MTPAP: variants seen among roughly 807,000 people sequenced by gnomAD.
MTPAP encodes the protein poly(A) RNA polymerase, mitochondrial.
MTPAP carries 23 observed loss-of-function variants against 48.7 expected under a neutral mutation model. The ratio of observed to expected loss-of-function variants is 0.47; its 90% confidence interval spans 0.34 to 0.67. The LOEUF (loss-of-function observed/expected upper bound fraction) is 0.67. Ranked by LOEUF, MTPAP falls within the 30% of genes least tolerant of loss-of-function variation. The probability of loss-of-function intolerance (pLI) is 0.01; values close to 1 mark genes in which losing one functional copy is unlikely to be tolerated. For synonymous variants in MTPAP, 257 were observed against 254.1 expected (o/e 1.01, Z -0.11); for missense variants, 614 against 694.3 (o/e 0.88, Z 1.30).
chr10:30,326,893 T>G (rs1219749473), intron 4 of MTPAP, among the ~76,000 whole-genome samples: 1 of 152,218 alleles, frequency 6.6e-6, no homozygotes, highest in East Asian at 1.9e-4. Context: ...GTAATTAACT[T>G]ATGAACTACA....
intron 4 of MTPAP, among the ~76,000 whole-genome samples, chr10:30,334,867 A>G (rs1158001094): frequency 6.6e-6 from 1 of 152,000 alleles, no homozygotes; most frequent in East Asian, 1.9e-4. Context: ...GGCATGACAC[A>G]AGGAATAAGA....
In MTPAP at chr10:30,322,333, A is replaced by G. The variant is rs969224384; in HGVS notation, c.1219+58T>C. The G allele has an allele frequency of 2.2e-6, 3 of 1,339,462 alleles. No homozygotes were observed. In the Admixed American group the frequency reaches 5.0e-5, roughly 23 times the overall value. The allele number at this position is 1,339,462 out of a possible 1,614,324, so 83.0% of individuals were successfully genotyped here. A position where few individuals can be genotyped will look rare whatever the true frequency, so the allele number is the denominator to read the frequency against. On this transcript the variant is annotated intron_variant, in intron 6 of 8. Transcript: ENST00000263063. Reference sequence around the variant, plus strand: ...GACGGGACTTTGGTAACACATGGTAATTATATTTACTCATAACATTGGAAA... The same window carrying G: ...GACGGGACTTTGGTAACACATGGTAGTTATATTTACTCATAACATTGGAAA...
At chr10:30,344,860 C>T (rs983996363) in intron 1 of MTPAP, among the ~76,000 whole-genome samples, 18 of 152,240 alleles carry the variant, frequency 1.2e-4, no homozygotes, top group African/African-American at 4.3e-4. Flanking sequence ...CCTGCCACTG[C>T]GCCAGGCTAA....
chr10:30,328,148 C>CGAA (rs1834621359), intron 4 of MTPAP, among the ~76,000 whole-genome samples: 1 of 151,962 alleles, frequency 6.6e-6, no homozygotes, highest in African/African-American at 2.4e-5. Flanking sequence ...CCATCAAATT[C>CGAA]TAAAAATGGG....
rs867994458 is a variant in MTPAP at position 30,323,571 on chromosome 10, G to A, written c.993-954C>T. ...GTCGCCCAGGCTAGAGCGCAATGGCGCGATCTTGGCTCACTGCAAGCTCCG... is the reference window on the plus strand; with the variant it reads ...GTCGCCCAGGCTAGAGCGCAATGGCACGATCTTGGCTCACTGCAAGCTCCG... On this transcript the variant is annotated intron_variant, in intron 5 of 8. Coordinates refer to ENST00000263063, the MANE Select transcript of MTPAP (RefSeq NM_018109.4). Among the ~76,000 whole-genome samples, 25 of 152,148 alleles carry A rather than the reference G, an allele frequency of 1.6e-4. 1 individual carries two copies. Among genetic ancestry groups the A allele is most frequent in the Middle Eastern group, 6.8e-3 (2 of 294 alleles).
chr10:30,342,441 CA>C (rs1834822277), intron 1 of MTPAP, among the ~76,000 whole-genome samples: 1 of 151,256 alleles, frequency 6.6e-6, no homozygotes, highest in South Asian at 2.1e-4. Flanking sequence ...ACTGCACTTT[CA>C]GTGTTCGTTT....
intron 5 of MTPAP, among the ~76,000 whole-genome samples, chr10:30,323,757 G>C (rs1284646622): frequency 6.6e-6 from 1 of 152,162 alleles, no homozygotes; most frequent in Non-Finnish European, 1.5e-5. Flanking sequence ...TGATCCACTC[G>C]CCTCGGCCTC....
chr10:30,320,199 G>A (rs1252726698), intron 6 of MTPAP, among the ~76,000 whole-genome samples: 2 of 152,202 alleles, frequency 1.3e-5, no homozygotes, highest in African/African-American at 2.4e-5. Context: ...GGGAGGCAGA[G>A]TTGCAGTGAG....
chr10:30,346,679 AAAC>A (rs1834876780), intron 1 of MTPAP, among the ~76,000 whole-genome samples: 1 of 152,192 alleles, frequency 6.6e-6, no homozygotes, highest in Non-Finnish European at 1.5e-5. Flanking sequence ...GCTGGCATCC[AAAC>A]AACAGCTAAA....
intron 1 of MTPAP, 78 bp from the exon 2 acceptor site, chr10:30,341,718 A>G: frequency 2.0e-6 from 3 of 1,517,766 alleles, no homozygotes; most frequent in African/African-American, 1.4e-5. Context: ...GTGTTTAAAG[A>G]CTTCATATAT....
In MTPAP at chr10:30,313,636, C is replaced by A. The variant is rs1840625796; in HGVS notation, c.1722G>T (p.Gly574=). The A allele has an allele frequency of 6.2e-7, 1 of 1,614,054 alleles. No homozygotes were observed. The highest frequency in any genetic ancestry group is 1.3e-5 in the African/African-American group (1 of 74,926). The part of the protein sequence containing the change: ...NRTENFTKTS[G]KRTISTQT ...ATGTCTGAGTACTAATTGTTCTCTT[C>A]CCACTGGTTTTTGTGAAATTTTCTG... Residue 574 remains glycine, a synonymous_variant, in exon 9 of 9, where the codon GGG becomes GGT. Coordinates refer to ENST00000263063, the MANE Select transcript of MTPAP (RefSeq NM_018109.4).
chr10:30,320,556 A>T (rs1840711810), intron 6 of MTPAP, among the ~76,000 whole-genome samples: 1 of 152,146 alleles, frequency 6.6e-6, no homozygotes. Context: ...TTTTTAAAAA[A>T]ATAGTGACCA....
At chr10:30,336,756 C>T (rs756650213) in intron 4 of MTPAP, 47 bp downstream of exon 4, 8 of 1,432,292 alleles carry the variant, frequency 5.6e-6, no homozygotes, top group Non-Finnish European at 6.9e-6. Context: ...TCTTTTTATA[C>T]TTTCTTAACT....
intron 5 of MTPAP, among the ~76,000 whole-genome samples, chr10:30,324,387 A>T (rs1445653179): frequency 2.0e-5 from 3 of 151,972 alleles, no homozygotes; most frequent in Non-Finnish European, 4.4e-5. Flanking sequence ...ACAAAATTTT[A>T]AAAATTTAAT....
chr10:30,341,916 T>A (rs564276299), intron 1 of MTPAP, among the ~76,000 whole-genome samples: 3 of 152,318 alleles, frequency 2.0e-5, no homozygotes, highest in African/African-American at 7.2e-5. Flanking sequence ...ATGATAAGGC[T>A]TAATTTATAA....
At chr10:30,318,669 C>T (rs1344400028) in intron 6 of MTPAP, among the ~76,000 whole-genome samples, 1 of 152,164 alleles carries the variant, frequency 6.6e-6, no homozygotes, top group Non-Finnish European at 1.5e-5. Flanking sequence ...CAGGGCAATT[C>T]AAGAGGAACC....
At chr10:30,342,678 A>G (rs1241232430) in intron 1 of MTPAP, among the ~76,000 whole-genome samples, 1 of 152,180 alleles carries the variant, frequency 6.6e-6, no homozygotes, top group Non-Finnish European at 1.5e-5. Flanking sequence ...TAATGAGACA[A>G]TGAGTTTGGA....
intron 8 of MTPAP, among the ~76,000 whole-genome samples, chr10:30,314,884 C>CAAAAAAAAAAAAAAAAAACAAAA (rs1840641477): frequency 9.0e-6 from 1 of 110,746 alleles, no homozygotes; most frequent in Non-Finnish European, 1.8e-5. Flanking sequence ...AAAACAAAAA[C>CAAAAAAAAAAAAAAAAAACAAAA]AAAAAAAAAA....
At chr10:30,333,662 CGTA>C (rs1469498622) in intron 4 of MTPAP, among the ~76,000 whole-genome samples, 1 of 152,148 alleles carries the variant, frequency 6.6e-6, no homozygotes, top group Non-Finnish European at 1.5e-5. Context: ...TCCCTATAAT[CGTA>C]GCACTTGGGG....
Sources: gnomAD v4.1 joint callset for allele counts (sites outside exome capture counted in the v4.1 genomes callset) on GRCh38, gnomAD v4.1.1 for gene constraint, MANE v1.5 for transcripts, NCBI Gene and HGNC (gene_info 2026-07-23, HGNC 2026-07-21) for gene names.